SORCS1: variants seen among roughly 807,000 people sequenced by gnomAD.
SORCS1 encodes VPS10 domain-containing receptor SorCS1.
SORCS1 carries 60 observed loss-of-function variants against 146.1 expected under a neutral mutation model. That is an observed-to-expected ratio of 0.41 (90% CI 0.33 to 0.51). The LOEUF (loss-of-function observed/expected upper bound fraction) is 0.51, where lower values mean the gene tolerates loss of function less well. Among genes scored for constraint, SORCS1 ranks in the 20% least tolerant of loss-of-function variants. The pLI, the probability that SORCS1 is intolerant of heterozygous loss-of-function variation, is 0.21. For missense variants in SORCS1, 1,352 were observed against 1,487.6 expected, an observed-to-expected ratio of 0.91 and a Z score of 1.50; for synonymous variants, 637 against 584.0, an observed-to-expected ratio of 1.09 and a Z score of -1.31.
In SORCS1 at chr10:107,035,430, C is replaced by T. The variant is rs143302627; in HGVS notation, c.559-78850G>A. 7.2e-3 allele frequency among the ~76,000 whole-genome samples: 1,092 copies of T among 152,238 alleles called. 11 individuals carry two copies. The highest frequency in any genetic ancestry group is 0.014 in the Middle Eastern group (4 of 294). ...GAGTACCTTCACCTGAACCCCGCAG[C>T]TTAGTGCCCTACCATTCAAGCAACG... is the stretch of plus-strand genomic sequence containing the variant. On this transcript the variant is annotated intron_variant, in intron 1 of 25. Transcript: ENST00000263054.
intron 9 of SORCS1, among the ~76,000 whole-genome samples, chr10:106,697,091 A>G (rs577175527): frequency 6.6e-6 from 1 of 152,350 alleles, no homozygotes; most frequent in East Asian, 1.9e-4. Flanking sequence ...AAGAAAATGC[A>G]TGGCATTTCA....
chr10:106,637,964 A>T (rs1245968776), intron 18 of SORCS1, among the ~76,000 whole-genome samples: 1 of 152,212 alleles, frequency 6.6e-6, no homozygotes, highest in African/African-American at 2.4e-5. Context: ...AATGCAACAG[A>T]ATACATAAGA....
chr10:107,167,861 C>T (rs1970089258), upstream of SORCS1, among the ~76,000 whole-genome samples: 1 of 151,754 alleles, frequency 6.6e-6, no homozygotes, highest in African/African-American at 2.4e-5. Flanking sequence ...GAAGCAGAGG[C>T]AGAAAGACAA....
At chr10:106,886,454 C>T (rs1951008162) in intron 2 of SORCS1, among the ~76,000 whole-genome samples, 1 of 152,240 alleles carries the variant, frequency 6.6e-6, no homozygotes, top group East Asian at 1.9e-4. Flanking sequence ...AAACATCACA[C>T]ACACACACAC....
intron 13 of SORCS1, among the ~76,000 whole-genome samples, chr10:106,676,651 T>C (rs61675662): frequency 6.6e-6 from 1 of 152,174 alleles, no homozygotes; most frequent in Non-Finnish European, 1.5e-5. Context: ...TCTCTGTCTG[T>C]GTCTCTCTCT....
chr10:106,855,381 G>A (rs1423495853), intron 2 of SORCS1, among the ~76,000 whole-genome samples: 1 of 152,000 alleles, frequency 6.6e-6, no homozygotes, highest in Non-Finnish European at 1.5e-5. Flanking sequence ...TTTGTTTTTT[G>A]ACATTTATCC....
chr10:106,829,545 G>C (rs1318655218), intron 3 of SORCS1, 29 bp downstream of exon 3: 1 of 1,498,542 alleles, frequency 6.7e-7, no homozygotes, highest in East Asian at 2.3e-5. Context: ...CATCATGAAT[G>C]AGTAGCATGC....
At chr10:107,089,952 C>CTT (rs1482816928) in intron 1 of SORCS1, among the ~76,000 whole-genome samples, 2 of 152,184 alleles carry the variant, frequency 1.3e-5, no homozygotes, top group Non-Finnish European at 2.9e-5. Flanking sequence ...TCTTTTCAGA[C>CTT]TTAATTGTGA....
intron 2 of SORCS1, among the ~76,000 whole-genome samples, chr10:106,933,046 G>A (rs890154063): frequency 6.6e-6 from 1 of 152,156 alleles, no homozygotes; most frequent in Admixed American, 6.5e-5. Context: ...ATCGTGTTCA[G>A]GTCTAAATGC....
chr10:106,678,391 C>T (rs940071091), intron 12 of SORCS1, among the ~76,000 whole-genome samples: 64 of 152,118 alleles, frequency 4.2e-4, no homozygotes, highest in African/African-American at 1.4e-3. Context: ...ATATCAGAAT[C>T]CCACTGAGGA....
chr10:106,789,106 G>C (rs1946195421), intron 3 of SORCS1, among the ~76,000 whole-genome samples: 1 of 152,170 alleles, frequency 6.6e-6, no homozygotes, highest in Non-Finnish European at 1.5e-5. Flanking sequence ...TGAGCTGTGT[G>C]GTGGTCCCTT....
chr10:107,025,501 G>T (rs1272628072), intron 1 of SORCS1, among the ~76,000 whole-genome samples: 1 of 152,112 alleles, frequency 6.6e-6, no homozygotes, highest in Non-Finnish European at 1.5e-5. Flanking sequence ...GTTAAACTAG[G>T]GCCAGCTGTG....
rs1375965897 is a variant in SORCS1 at position 106,576,210 on chromosome 10, C to T, written c.*1210G>A. The T allele has an allele frequency of 6.6e-6, 1 of 152,324 alleles. No homozygotes were observed. The highest frequency in any genetic ancestry group is 1.5e-5 in the Non-Finnish European group (1 of 68,172). The allele number at this position is 152,324 out of a possible 1,614,324, so 9.4% of individuals were successfully genotyped here. ...CTGCTGTGCAGGATGCAGCAAGGTC[C>T]ATGGGCACAGAAGCTGGCATGCTTG... On this transcript the variant is annotated 3_prime_UTR_variant, in exon 26 of 26. Coordinates refer to ENST00000263054, the MANE Select transcript of SORCS1 (RefSeq NM_052918.5).
chr10:106,729,296 G>C, intron 6 of SORCS1, among the ~76,000 whole-genome samples: 1 of 152,148 alleles, frequency 6.6e-6, no homozygotes, highest in Non-Finnish European at 1.5e-5. Context: ...CTACAACATT[G>C]TCATGAGGCT....
At chr10:107,057,433 T>C (rs2134091971) in intron 1 of SORCS1, among the ~76,000 whole-genome samples, 1 of 152,330 alleles carries the variant, frequency 6.6e-6, no homozygotes, top group Non-Finnish European at 1.5e-5. Flanking sequence ...CTCTGTCTCT[T>C]GGGAGTCATA....
chr10:106,674,231 A>C (rs1279124324), intron 14 of SORCS1, among the ~76,000 whole-genome samples: 2 of 148,420 alleles, frequency 1.3e-5, no homozygotes, highest in African/African-American at 4.9e-5. Flanking sequence ...CAGGAGGCTA[A>C]GGCAGGAGAA....
chr10:107,137,652 C>A (rs377079707), intron 1 of SORCS1, among the ~76,000 whole-genome samples: 2 of 152,038 alleles, frequency 1.3e-5, no homozygotes, highest in Admixed American at 1.3e-4. Flanking sequence ...CACCTGAGGT[C>A]GAGAGTTCGA....
At chr10:106,838,853 A>G (rs114259065) in intron 2 of SORCS1, among the ~76,000 whole-genome samples, 1,606 of 152,140 alleles carry the variant, frequency 0.011, 39 homozygotes, top group African/African-American at 0.036. Flanking sequence ...AAACTTTTCC[A>G]TTATTATCGT....
rs115830960 is a variant in SORCS1 at position 107,031,780 on chromosome 10, C to T, written c.559-75200G>A. Among the ~76,000 whole-genome samples, 531 of 152,150 alleles carry T rather than the reference C, an allele frequency of 3.5e-3. 6 individuals are homozygous for T. The highest frequency in any genetic ancestry group is 0.012 in the African/African-American group (507 of 41,510). On this transcript the variant is annotated intron_variant, in intron 1 of 25. Coordinates refer to ENST00000263054, the MANE Select transcript of SORCS1 (RefSeq NM_052918.5). ...AAGCCACCATGCCTGGCCAAAATGA[C>T]ATCCTCTCTGAGCTTACCTCTCTAA... is the stretch of plus-strand genomic sequence containing the variant.
Sources: allele counts gnomAD v4.1 joint callset (sites outside exome capture counted in the v4.1 genomes callset), GRCh38; gene constraint gnomAD v4.1.1; transcripts MANE v1.5; gene names NCBI Gene and HGNC (gene_info 2026-07-23, HGNC 2026-07-21).